Variants in CSMD1 observed in about 807,000 individuals in gnomAD.
CSMD1 encodes CUB and Sushi multiple domains 1, also known as CUB and sushi domain-containing protein 1.
A neutral mutation model predicts 417.5 loss-of-function variants in CSMD1; 213 were observed. That is an observed-to-expected ratio of 0.51 (90% confidence interval 0.46 to 0.57). The LOEUF is 0.57. Ranked by LOEUF, CSMD1 falls within the 20% of genes least tolerant of loss-of-function variation. The probability of loss-of-function intolerance (pLI) is 0.00; values close to 1 mark genes in which losing one functional copy is unlikely to be tolerated. For synonymous variants in CSMD1, 2,862 were observed against 1,736.8 expected, an observed-to-expected ratio of 1.65 and a Z score of -16.11; for missense variants, 6,923 against 4,529.7, an observed-to-expected ratio of 1.53 and a Z score of -15.17.
intron 12 of CSMD1, among the ~76,000 whole-genome samples, chr8:3,432,936 A>G (rs1323135490): frequency 6.6e-6 from 1 of 152,212 alleles, no homozygotes; most frequent in Admixed American, 6.5e-5. Context: ...ATTGAAGAAC[A>G]TACCTTATCA....
At chr8:4,623,030 A>C (rs1347998769) in intron 2 of CSMD1, among the ~76,000 whole-genome samples, 1 of 152,206 alleles carries the variant, frequency 6.6e-6, no homozygotes, top group Non-Finnish European at 1.5e-5. Context: ...AGACTAAAAA[A>C]TGTTGTTAAA....
At chr8:4,635,201 A>G (rs745979941) in intron 2 of CSMD1, among the ~76,000 whole-genome samples, 1 of 152,176 alleles carries the variant, frequency 6.6e-6, no homozygotes, top group African/African-American at 2.4e-5. Context: ...CCCAGCAAGT[A>G]AAAGAAAAAA....
At chr8:4,435,361 T>G (rs1798093098) in intron 2 of CSMD1, among the ~76,000 whole-genome samples, 1 of 152,152 alleles carries the variant, frequency 6.6e-6, no homozygotes, top group South Asian at 2.1e-4. Context: ...TATTTAATTA[T>G]TAGGAGAAAA....
rs147103419 is a variant in CSMD1 at position 4,691,299 on chromosome 8, C to T, written c.86-53741G>A. ...GAGAGTGTGAATTTCAGCTGTAAGCCTTAGTTTAATTTTCTTTCCTGATAA... is the reference window on the plus strand; with the variant it reads ...GAGAGTGTGAATTTCAGCTGTAAGCTTTAGTTTAATTTTCTTTCCTGATAA... On this transcript the variant is annotated intron_variant, in intron 1 of 69. Coordinates refer to ENST00000635120, the MANE Select transcript of CSMD1 (RefSeq NM_033225.6). Among the ~76,000 whole-genome samples the T allele has an allele frequency of 1.0e-3, 153 of 152,234 alleles. 1 individual carries two copies. Among genetic ancestry groups the T allele is most frequent in the Non-Finnish European group, 1.5e-3 (101 of 68,022 alleles).
chr8:4,217,082 A>G (rs990216355), intron 3 of CSMD1, among the ~76,000 whole-genome samples: 4 of 152,206 alleles, frequency 2.6e-5, no homozygotes, highest in Non-Finnish European at 4.4e-5. Flanking sequence ...GTTATACAAT[A>G]TAGTAGATAG....
At chr8:4,357,913 T>C (rs1346997604) in intron 3 of CSMD1, among the ~76,000 whole-genome samples, 2 of 152,136 alleles carry the variant, frequency 1.3e-5, no homozygotes, top group African/African-American at 2.4e-5. Context: ...TTATAAAAAA[T>C]AGAGAATATA....
intron 12 of CSMD1, among the ~76,000 whole-genome samples, chr8:3,416,754 C>T (rs1378108049): frequency 2.0e-5 from 3 of 152,112 alleles, no homozygotes; most frequent in African/African-American, 7.2e-5. Context: ...ACAGCTAGTA[C>T]AGAACTCACT....
At chr8:3,878,538 G>C (rs934110053) in intron 5 of CSMD1, among the ~76,000 whole-genome samples, 2 of 151,988 alleles carry the variant, frequency 1.3e-5, no homozygotes, top group African/African-American at 4.8e-5. Context: ...AATGAAAAAG[G>C]AAATTATATA....
chr8:4,047,375 G>T (rs748971126), intron 3 of CSMD1, among the ~76,000 whole-genome samples: 1 of 152,128 alleles, frequency 6.6e-6, no homozygotes, highest in Non-Finnish European at 1.5e-5. Flanking sequence ...CATGGAATAG[G>T]AACAATCTTG....
rs371639281 is a variant in CSMD1, at chr8:3,599,058, G to A, written c.1098-12798C>T. Among the ~76,000 whole-genome samples, 214 of 152,204 alleles carry A rather than the reference G, an allele frequency of 1.4e-3. 2 individuals are homozygous for A. The highest frequency in any genetic ancestry group is 5.0e-3 in the African/African-American group (207 of 41,508). ...CTTGCAACAATGCACTCCAGCCTGGGTGTCAGAGCAAGACTCCGTCTCAAA... is the reference window on the plus strand; with the variant it reads ...CTTGCAACAATGCACTCCAGCCTGGATGTCAGAGCAAGACTCCGTCTCAAA... On this transcript the variant is annotated intron_variant, in intron 8 of 69. Coordinates refer to ENST00000635120, the MANE Select transcript of CSMD1 (RefSeq NM_033225.6).
chr8:3,549,026 G>T (rs1269476507), intron 10 of CSMD1, among the ~76,000 whole-genome samples: 1 of 152,074 alleles, frequency 6.6e-6, no homozygotes, highest in Non-Finnish European at 1.5e-5. Flanking sequence ...TTGTTTCAAG[G>T]AAGACCTGCT....
At chr8:3,914,557 G>C (rs562491727) in intron 5 of CSMD1, among the ~76,000 whole-genome samples, 42 of 152,240 alleles carry the variant, frequency 2.8e-4, no homozygotes, top group Middle Eastern at 3.4e-3. Flanking sequence ...TTCCACTGTT[G>C]AAATGGCAGT....
intron 12 of CSMD1, among the ~76,000 whole-genome samples, chr8:3,437,642 T>G (rs1214872163): frequency 6.6e-6 from 1 of 152,216 alleles, no homozygotes; most frequent in African/African-American, 2.4e-5. Flanking sequence ...ATGGTTGTGA[T>G]TATAATTTAT....
intron 7 of CSMD1, among the ~76,000 whole-genome samples, chr8:3,618,374 A>G (rs1802249526): frequency 6.6e-6 from 1 of 152,126 alleles, no homozygotes; most frequent in South Asian, 2.1e-4. Flanking sequence ...TACAAATTCT[A>G]TTGAATATAT....
chr8:4,244,110 T>C (rs1220188059), intron 3 of CSMD1, among the ~76,000 whole-genome samples: 1 of 152,140 alleles, frequency 6.6e-6, no homozygotes. Flanking sequence ...GACTACTGGG[T>C]GCTGTGCGGA....
chr8:4,430,015 A>G (rs758827927), intron 2 of CSMD1, among the ~76,000 whole-genome samples: 1 of 152,176 alleles, frequency 6.6e-6, no homozygotes, highest in Non-Finnish European at 1.5e-5. Context: ...GTGCCTTCCC[A>G]CTGAAATGAA....
intron 65 of CSMD1, among the ~76,000 whole-genome samples, chr8:2,953,176 T>G (rs758966696): frequency 8.2e-4 from 125 of 152,288 alleles, no homozygotes; most frequent in African/African-American, 2.8e-3. Flanking sequence ...ACATGTTGCC[T>G]GGATAAAGAG....
chr8:4,440,222 A>G (rs1418851408), intron 2 of CSMD1, among the ~76,000 whole-genome samples: 1 of 152,192 alleles, frequency 6.6e-6, no homozygotes, highest in Non-Finnish European at 1.5e-5. Flanking sequence ...AATATGCCCT[A>G]CCTATATGTG....
chr8:3,593,392 T>TGAGCCTCCCCCAGGTCCAC (rs1430343137), intron 8 of CSMD1, among the ~76,000 whole-genome samples: 2 of 152,190 alleles, frequency 1.3e-5, no homozygotes, highest in South Asian at 4.1e-4. Flanking sequence ...GTCAAGCCCA[T>TGAGCCTCCCCCAGGTCCAC]GAGCCTCCCC....
Sources: gnomAD v4.1 joint callset for allele counts (sites outside exome capture counted in the v4.1 genomes callset) on GRCh38, gnomAD v4.1.1 for gene constraint, MANE v1.5 for transcripts, NCBI Gene and HGNC (gene_info 2026-07-23, HGNC 2026-07-21) for gene names.